Variants in COX7B2 observed in about 807,000 individuals in gnomAD.
COX7B2 encodes cytochrome c oxidase subunit 7B2, mitochondrial.
For missense variants in COX7B2, 109 were observed against 95.9 expected (o/e 1.14, Z -0.57); for synonymous variants, 37 against 32.1 (o/e 1.15, Z -0.51).
chr4:46,904,994 A>T (rs181122887), intron 1 of COX7B2, among the ~76,000 whole-genome samples: 24 of 152,046 alleles, frequency 1.6e-4, no homozygotes, highest in African/African-American at 5.6e-4. Context: ...CAGATTGCCT[A>T]AGTCTACTTC....
At position 46,865,781 on chromosome 4, in the gene COX7B2, C is replaced by T. The variant is rs143195205; in HGVS notation, c.-104-20767G>A. On this transcript the variant is annotated intron_variant, in intron 1 of 2. Transcript: ENST00000355591. ...ATCAAGGAATCATCTTCTTGGTTGC[C>T]GACTCTGTCATCAACATCCCCAGGA... Among the ~76,000 whole-genome samples the T allele has an allele frequency of 9.5e-4, 144 of 152,204 alleles. No homozygotes were observed. The East Asian group carries it at 0.011, about 12-fold the overall frequency.
chr4:46,794,819 A>G (rs10938458), intron 2 of COX7B2, among the ~76,000 whole-genome samples: 24,359 of 152,116 alleles, frequency 0.16, 2,130 homozygotes, highest in South Asian at 0.36. Context: ...AAAACATAGA[A>G]TAGAAAATAG....
chr4:46,763,200 G>A (rs1716325635), intron 2 of COX7B2, among the ~76,000 whole-genome samples: 1 of 131,758 alleles, frequency 7.6e-6, no homozygotes. Flanking sequence ...TATAATATAT[G>A]ATATTATATT....
chr4:46,822,935 C>G (rs1291550845), intron 2 of COX7B2, among the ~76,000 whole-genome samples: 2 of 152,016 alleles, frequency 1.3e-5, no homozygotes, highest in Non-Finnish European at 2.9e-5. Flanking sequence ...TTCTTAAGCC[C>G]ATTGGAGAAC....
intron 2 of COX7B2, among the ~76,000 whole-genome samples, chr4:46,786,295 T>C (rs1477993376): frequency 6.6e-6 from 1 of 152,258 alleles, no homozygotes; most frequent in Non-Finnish European, 1.5e-5. Flanking sequence ...ATGATACTCA[T>C]GTACCTATGT....
chr4:46,808,798 G>A lies in COX7B2; in HGVS notation c.-50+36162C>T, dbSNP rs1013963914. Among the ~76,000 whole-genome samples, 3 of 151,780 alleles carry A rather than the reference G, an allele frequency of 2.0e-5. No individual in the cohort carries two copies. In the South Asian group the frequency reaches 6.2e-4, roughly 31 times the overall value. ...TCTGCATCAATTGAGATGATCACGTGGTTTATATCTTTTATTCTGTTAATG... is the reference window on the plus strand; with the variant it reads ...TCTGCATCAATTGAGATGATCACGTAGTTTATATCTTTTATTCTGTTAATG... On this transcript the variant is annotated intron_variant, in intron 2 of 2. Coordinates refer to ENST00000355591, the MANE Select transcript of COX7B2 (RefSeq NM_130902.3).
chr4:46,772,842 G>T (rs1716950144), intron 2 of COX7B2, among the ~76,000 whole-genome samples: 1 of 152,158 alleles, frequency 6.6e-6, no homozygotes, highest in Admixed American at 6.6e-5. Flanking sequence ...CAGTAGTAAA[G>T]CTACCTATTT....
chr4:46,867,382 G>A (rs147706198), intron 1 of COX7B2, among the ~76,000 whole-genome samples: 1 of 152,294 alleles, frequency 6.6e-6, no homozygotes, highest in Non-Finnish European at 1.5e-5. Flanking sequence ...ATGAAATCAA[G>A]AAACTGGCTG....
chr4:46,871,490 G>A (rs1181625053), intron 1 of COX7B2, among the ~76,000 whole-genome samples: 1 of 151,962 alleles, frequency 6.6e-6, no homozygotes, highest in Non-Finnish European at 1.5e-5. Flanking sequence ...TTCACAAGTG[G>A]GATCTAATTA....
chr4:46,894,246 G>A (rs1719616468), intron 1 of COX7B2, among the ~76,000 whole-genome samples: 1 of 152,042 alleles, frequency 6.6e-6, no homozygotes, highest in African/African-American at 2.4e-5. Context: ...AAATATTCAT[G>A]TTACCCGACT....
intron 1 of COX7B2, among the ~76,000 whole-genome samples, chr4:46,851,749 C>G (rs759545848): frequency 1.3e-5 from 2 of 152,024 alleles, no homozygotes; most frequent in African/African-American, 4.8e-5. Context: ...AAATGTCCTT[C>G]CATTTATGTT....
chr4:46,755,552 T>C (rs1290949093), intron 2 of COX7B2, among the ~76,000 whole-genome samples: 1 of 152,078 alleles, frequency 6.6e-6, no homozygotes, highest in Non-Finnish European at 1.5e-5. Context: ...CACATGATAA[T>C]ATATCTAGAA....
At chr4:46,863,095 G>A (rs189260606) in intron 1 of COX7B2, among the ~76,000 whole-genome samples, 5 of 151,934 alleles carry the variant, frequency 3.3e-5, no homozygotes, top group Non-Finnish European at 5.9e-5. Context: ...CCTTTTTATC[G>A]AGAAAAAGAA....
chr4:46,886,846 C>T (rs1719112101), intron 1 of COX7B2, among the ~76,000 whole-genome samples: 1 of 152,032 alleles, frequency 6.6e-6, no homozygotes, highest in Non-Finnish European at 1.5e-5. Flanking sequence ...TGCAAAAATG[C>T]CTTTTCACAG....
intron 2 of COX7B2, among the ~76,000 whole-genome samples, chr4:46,844,575 T>C (rs1716141563): frequency 6.6e-6 from 1 of 151,984 alleles, no homozygotes; most frequent in Non-Finnish European, 1.5e-5. Context: ...GTCTCAGCTG[T>C]CCAAATGAAA....
In COX7B2 at chr4:46,881,343, G is replaced by A. The variant is rs140538593; in HGVS notation, c.-105+27817C>T. Among the ~76,000 whole-genome samples, 759 of 152,288 alleles carry A rather than the reference G, an allele frequency of 5.0e-3. 3 individuals are homozygous for A. Among genetic ancestry groups the A allele is most frequent in the Non-Finnish European group, 7.6e-3 (519 of 68,022 alleles). ...AGGCAGGAAGACTCAAACCAGGGAG[G>A]GAGCTTCCAGGTCACAAACAGGTGA... On this transcript the variant is annotated intron_variant, in intron 1 of 2. Coordinates refer to ENST00000355591, the MANE Select transcript of COX7B2 (RefSeq NM_130902.3).
At position 46,843,769 on chromosome 4, in the gene COX7B2, T is replaced by C. The variant is rs146593601; in HGVS notation, c.-50+1191A>G. 2.6e-4 allele frequency among the ~76,000 whole-genome samples: 40 copies of C among 152,120 alleles called. No individual in the cohort carries two copies. The East Asian group carries it at 7.4e-3, about 28-fold the overall frequency. On this transcript the variant is annotated intron_variant, in intron 2 of 2. Coordinates refer to ENST00000355591, the MANE Select transcript of COX7B2 (RefSeq NM_130902.3). ...AAGAAGAGACAATTAGGGAAAATAA[T>C]TGCAATTATCAAATATACAGAAATG...
intron 2 of COX7B2, among the ~76,000 whole-genome samples, chr4:46,788,112 G>A (rs557356460): frequency 2.0e-5 from 3 of 152,256 alleles, no homozygotes; most frequent in African/African-American, 7.2e-5. Context: ...GAGAAAAAAA[G>A]TAAAGGAAAA....
At chr4:46,825,879 C>T (rs544635822) in intron 2 of COX7B2, among the ~76,000 whole-genome samples, 2 of 152,150 alleles carry the variant, frequency 1.3e-5, no homozygotes, top group East Asian at 3.9e-4. Flanking sequence ...AAAACCAACA[C>T]AAGATAGATT....
Sources: allele counts gnomAD v4.1 joint callset (sites outside exome capture counted in the v4.1 genomes callset), GRCh38; gene constraint gnomAD v4.1.1; transcripts MANE v1.5; gene names NCBI Gene and HGNC (gene_info 2026-07-23, HGNC 2026-07-21).